AGBL4: variants seen among roughly 807,000 people sequenced by gnomAD.
The protein encoded by AGBL4 is cytosolic carboxypeptidase 6.
A neutral mutation model predicts 66.4 loss-of-function variants in AGBL4; 58 were observed. That is an observed-to-expected ratio of 0.87 (90% confidence interval 0.71 to 1.09). The LOEUF is 1.09. Among genes scored for constraint, AGBL4 ranks in the 50% least tolerant of loss-of-function variants. AGBL4 has a pLI of 0.00. For missense variants in AGBL4, 579 were observed against 631.0 expected (o/e 0.92, Z 0.88); for synonymous variants, 234 against 222.9 (o/e 1.05, Z -0.44).
In AGBL4 at chr1:49,281,261, G is replaced by A. The variant is rs955398197; in HGVS notation, c.283-35397C>T. ...GATGCCACATATGCAAAAAGAGTACGAAAAAATTAATTACTCACATGATGA... is the reference window on the plus strand; with the variant it reads ...GATGCCACATATGCAAAAAGAGTACAAAAAAATTAATTACTCACATGATGA... On this transcript the variant is annotated intron_variant, in intron 3 of 13. Transcript: ENST00000371839. 6.6e-5 allele frequency among the ~76,000 whole-genome samples: 10 copies of A among 152,264 alleles called. No individual in the cohort carries two copies. The South Asian group carries it at 8.3e-4, about 13-fold the overall frequency.
At chr1:49,283,050 G>T (rs1429970878) in intron 3 of AGBL4, among the ~76,000 whole-genome samples, 2 of 152,342 alleles carry the variant, frequency 1.3e-5, no homozygotes, top group East Asian at 1.9e-4. Context: ...GCCTCTGTAG[G>T]CTCCACCTCT....
rs1390590292 is a variant in AGBL4, at chr1:49,114,391, A to AG, written c.378-68592dup. Among the ~76,000 whole-genome samples, 12 of 152,322 alleles carry AG rather than the reference A, an allele frequency of 7.9e-5. No individual in the cohort carries two copies. The South Asian group carries it at 2.3e-3, about 29-fold the overall frequency. ...GAGAGTTAGAGCCTTGATCTGGATT[A>AG]GGCTTTGGCTTAAGGAAATGTTGTG... On this transcript the variant is annotated intron_variant, in intron 4 of 13. Coordinates refer to ENST00000371839, the MANE Select transcript of AGBL4 (RefSeq NM_032785.4).
At chr1:49,415,793 G>A (rs981192053) in intron 3 of AGBL4, among the ~76,000 whole-genome samples, 3 of 152,124 alleles carry the variant, frequency 2.0e-5, no homozygotes, top group Non-Finnish European at 2.9e-5. Flanking sequence ...GCAGGTTAAA[G>A]TATTGAGGCT....
chr1:48,721,679 T>G (rs1387200027), intron 6 of AGBL4, among the ~76,000 whole-genome samples: 3 of 152,174 alleles, frequency 2.0e-5, no homozygotes, highest in Admixed American at 2.0e-4. Context: ...ACCCCTGTGG[T>G]CTGACACTAG....
chr1:48,603,767 C>T (rs1382301883), intron 9 of AGBL4, among the ~76,000 whole-genome samples: 1 of 151,960 alleles, frequency 6.6e-6, no homozygotes, highest in Admixed American at 6.6e-5. Flanking sequence ...TGTTATAATC[C>T]AAGTGAGAAC....
At chr1:49,661,732 G>A (rs1009525734) in intron 3 of AGBL4, among the ~76,000 whole-genome samples, 2 of 152,074 alleles carry the variant, frequency 1.3e-5, no homozygotes, top group Admixed American at 6.6e-5. Flanking sequence ...CACTGTTGGT[G>A]GGAATGTAAA....
intron 5 of AGBL4, among the ~76,000 whole-genome samples, chr1:48,967,331 A>C (rs1343431): frequency 0.59 from 90,372 of 151,904 alleles, 27,240 homozygotes; most frequent in Middle Eastern, 0.65. Context: ...CTTCATTCAT[A>C]ATTCACTCGT....
At chr1:48,845,255 C>T (rs939358159) in intron 6 of AGBL4, among the ~76,000 whole-genome samples, 1 of 152,202 alleles carries the variant, frequency 6.6e-6, no homozygotes, top group Non-Finnish European at 1.5e-5. Flanking sequence ...ATACCTGCCT[C>T]ATAGCTTCCA....
intron 1 of AGBL4, among the ~76,000 whole-genome samples, chr1:49,916,852 C>A (rs1390917384): frequency 6.6e-6 from 1 of 152,152 alleles, no homozygotes; most frequent in Non-Finnish European, 1.5e-5. Context: ...AGGTTACCCA[C>A]AAAGGGAAGC....
intron 4 of AGBL4, among the ~76,000 whole-genome samples, chr1:49,109,806 A>G (rs1365626143): frequency 6.6e-6 from 1 of 152,112 alleles, no homozygotes; most frequent in Non-Finnish European, 1.5e-5. Flanking sequence ...ACTGACTTCT[A>G]TATTCATGCA....
chr1:48,993,011 A>G (rs909585409), intron 5 of AGBL4, among the ~76,000 whole-genome samples: 1 of 152,058 alleles, frequency 6.6e-6, no homozygotes, highest in Admixed American at 6.5e-5. Flanking sequence ...TGCAAAACAA[A>G]GTCTCCTTTA....
At chr1:49,982,799 C>T (rs1313873069) in intron 1 of AGBL4, among the ~76,000 whole-genome samples, 1 of 152,148 alleles carries the variant, frequency 6.6e-6, no homozygotes, top group Non-Finnish European at 1.5e-5. Flanking sequence ...GGTCTCCTCT[C>T]TGCTGAGAGC....
At chr1:49,485,647 AG>A (rs1226411778) in intron 3 of AGBL4, among the ~76,000 whole-genome samples, 5 of 151,790 alleles carry the variant, frequency 3.3e-5, no homozygotes, top group African/African-American at 9.7e-5. Context: ...AAAAAAAAAA[AG>A]AATGAGATCC....
At chr1:49,650,859 T>C (rs1229994211) in intron 3 of AGBL4, among the ~76,000 whole-genome samples, 1 of 152,172 alleles carries the variant, frequency 6.6e-6, no homozygotes, top group South Asian at 2.1e-4. Context: ...TATTCACTAT[T>C]GTGGATGTAG....
chr1:49,850,773 C>G (rs1204611655), intron 2 of AGBL4, among the ~76,000 whole-genome samples: 1 of 151,926 alleles, frequency 6.6e-6, no homozygotes, highest in Admixed American at 6.6e-5. Flanking sequence ...TTATGTTTAC[C>G]TTTCTCACTA....
At chr1:49,845,000 C>A in intron 2 of AGBL4, 7 of 1,424,826 alleles carry the variant, frequency 4.9e-6, no homozygotes, top group Non-Finnish European at 6.8e-6. Flanking sequence ...GGCCCCCACA[C>A]GTGGGGAACA....
chr1:49,283,459 C>T (rs993017758), intron 3 of AGBL4, among the ~76,000 whole-genome samples: 2 of 152,186 alleles, frequency 1.3e-5, no homozygotes, highest in African/African-American at 4.8e-5. Context: ...AAACGCAGAG[C>T]GTCTCTCCTC....
At chr1:49,364,638 T>C (rs970433574) in intron 3 of AGBL4, among the ~76,000 whole-genome samples, 2 of 152,070 alleles carry the variant, frequency 1.3e-5, no homozygotes, top group Admixed American at 6.6e-5. Flanking sequence ...CCACCACACC[T>C]GGCTAATTTT....
intron 2 of AGBL4, among the ~76,000 whole-genome samples, chr1:49,821,677 T>C (rs1415730320): frequency 2.6e-5 from 4 of 152,218 alleles, no homozygotes; most frequent in African/African-American, 7.2e-5. Context: ...AACTTTCTTT[T>C]CTAGTCACTA....
Sources: allele counts gnomAD v4.1 joint callset (sites outside exome capture counted in the v4.1 genomes callset), GRCh38; gene constraint gnomAD v4.1.1; transcripts MANE v1.5; gene names NCBI Gene and HGNC (gene_info 2026-07-23, HGNC 2026-07-21).